OPCML: variants seen among roughly 807,000 people sequenced by gnomAD.
OPCML encodes opioid-binding protein/cell adhesion molecule.
OPCML carries 13 observed loss-of-function variants against 37.8 expected under a neutral mutation model. The observed-to-expected ratio is 0.34, with a 90% confidence interval of 0.22 to 0.55. The LOEUF (loss-of-function observed/expected upper bound fraction) is 0.55. Among genes scored for constraint, OPCML ranks in the 20% least tolerant of loss-of-function variants. OPCML has a pLI of 0.91. For synonymous variants in OPCML, 176 were observed against 168.8 expected (o/e 1.04, Z -0.33); for missense variants, 341 against 435.6 (o/e 0.78, Z 1.93).
chr11:133,101,017 T>G (rs1949077784), intron 1 of OPCML, among the ~76,000 whole-genome samples: 1 of 152,088 alleles, frequency 6.6e-6, no homozygotes, highest in African/African-American at 2.4e-5. Context: ...CTCCGCCTCC[T>G]GGGTTCAAGC....
intron 2 of OPCML, among the ~76,000 whole-genome samples, chr11:132,893,458 A>T (rs1016676663): frequency 6.6e-6 from 1 of 152,126 alleles, no homozygotes; most frequent in African/African-American, 2.4e-5. Context: ...GTTCCCTGGG[A>T]TCATCAAGCT....
chr11:133,475,156 G>C (rs1427931143), intron 1 of OPCML, among the ~76,000 whole-genome samples: 1 of 152,054 alleles, frequency 6.6e-6, no homozygotes, highest in Non-Finnish European at 1.5e-5. Context: ...GAATGTTTCA[G>C]AAATGTTTGT....
rs150208503 is a variant in OPCML, at chr11:132,500,185, G to A, written c.505+28876C>T. On this transcript the variant is annotated intron_variant, in intron 4 of 7. Coordinates refer to ENST00000524381, the MANE Select transcript of OPCML (RefSeq NM_001012393.5). ...TGCCTTAATGGCAGTGTCTTGTCTC[G>A]GTCTTATCAAGGCCCCCCTGCAAGT... Among the ~76,000 whole-genome samples the A allele has an allele frequency of 3.0e-3, 461 of 152,206 alleles. 1 individual carries two copies. The highest frequency in any genetic ancestry group is 0.011 in the African/African-American group (448 of 41,530).
At chr11:133,279,400 T>C (rs1367115691) in intron 1 of OPCML, among the ~76,000 whole-genome samples, 1 of 152,210 alleles carries the variant, frequency 6.6e-6, no homozygotes, top group African/African-American at 2.4e-5. Flanking sequence ...CAAGCAACCA[T>C]GGGCAGCTTA....
chr11:132,552,387 A>G (rs751499455), intron 3 of OPCML, among the ~76,000 whole-genome samples: 2 of 152,174 alleles, frequency 1.3e-5, no homozygotes, highest in Non-Finnish European at 2.9e-5. Context: ...TATGGAGTTG[A>G]TCCCTCTTTC....
intron 2 of OPCML, among the ~76,000 whole-genome samples, chr11:132,733,856 T>G (rs543728098): frequency 7.9e-5 from 12 of 152,196 alleles, no homozygotes; most frequent in African/African-American, 2.4e-4. Context: ...ATCTCTAAAG[T>G]TGAAGGCAGG....
chr11:133,011,416 T>G (rs1322443211), intron 1 of OPCML, among the ~76,000 whole-genome samples: 2 of 152,324 alleles, frequency 1.3e-5, no homozygotes, highest in South Asian at 4.1e-4. Flanking sequence ...CGGGGAACCC[T>G]CTGGTGTAGA....
At chr11:132,878,977 T>G (rs2136422027) in intron 2 of OPCML, among the ~76,000 whole-genome samples, 1 of 152,328 alleles carries the variant, frequency 6.6e-6, no homozygotes, top group African/African-American at 2.4e-5. Flanking sequence ...GGGAATTGAG[T>G]AGCCCATGCA....
intron 4 of OPCML, 123 bp from the exon 5 acceptor site, chr11:132,437,482 C>G: frequency 2.0e-6 from 3 of 1,498,028 alleles, no homozygotes; most frequent in Non-Finnish European, 2.7e-6. Context: ...AGTAGGACAT[C>G]AAGTCAAAGA....
At chr11:133,072,321 T>G (rs1948551544) in intron 1 of OPCML, among the ~76,000 whole-genome samples, 2 of 152,178 alleles carry the variant, frequency 1.3e-5, no homozygotes, top group African/African-American at 4.8e-5. Flanking sequence ...TCACTCAAAA[T>G]GCTATTAAAG....
intron 2 of OPCML, among the ~76,000 whole-genome samples, chr11:132,936,021 T>C (rs1945358227): frequency 6.6e-6 from 1 of 152,194 alleles, no homozygotes; most frequent in South Asian, 2.1e-4. Context: ...TGTTAGATCC[T>C]GGTGGGTGTC....
chr11:132,777,518 A>G (rs1416796103), intron 2 of OPCML, among the ~76,000 whole-genome samples: 1 of 152,192 alleles, frequency 6.6e-6, no homozygotes, highest in Non-Finnish European at 1.5e-5. Flanking sequence ...TTACTAATAT[A>G]TGAACTTTGC....
chr11:132,802,738 A>G (rs1265139063), intron 2 of OPCML, among the ~76,000 whole-genome samples: 1 of 152,164 alleles, frequency 6.6e-6, no homozygotes, highest in African/African-American at 2.4e-5. Context: ...CGTGAAGTCA[A>G]AGCCATGTCA....
At chr11:132,905,438 G>A (rs1453830528) in intron 2 of OPCML, among the ~76,000 whole-genome samples, 1 of 151,790 alleles carries the variant, frequency 6.6e-6, no homozygotes, top group African/African-American at 2.4e-5. Flanking sequence ...TCATCATGTT[G>A]GCCAGGATGG....
rs553058960 is a variant in OPCML at position 133,232,626 on chromosome 11, C to T, written c.62-289616G>A. 2.0e-5 allele frequency among the ~76,000 whole-genome samples: 3 copies of T among 152,200 alleles called. No homozygotes were observed. In the South Asian group the frequency reaches 6.2e-4, roughly 32 times the overall value. On this transcript the variant is annotated intron_variant, in intron 1 of 7. Coordinates refer to ENST00000524381, the MANE Select transcript of OPCML (RefSeq NM_001012393.5). ...CTTTATCCTGTTATGTGACACAGCA[C>T]ATGCACACACACATGCACACCCACA...
chr11:132,585,921 T>C (rs1358224993), intron 3 of OPCML, among the ~76,000 whole-genome samples: 2 of 152,110 alleles, frequency 1.3e-5, no homozygotes, highest in African/African-American at 4.8e-5. Context: ...TTCTCAAACA[T>C]CCACACATTT....
intron 2 of OPCML, among the ~76,000 whole-genome samples, chr11:132,705,133 C>G (rs1410203597): frequency 6.6e-6 from 1 of 152,068 alleles, no homozygotes; most frequent in Admixed American, 6.5e-5. Context: ...GGATATGTGT[C>G]CCCACCCAAA....
intron 1 of OPCML, among the ~76,000 whole-genome samples, chr11:133,251,560 T>G: frequency 6.7e-6 from 1 of 149,882 alleles, no homozygotes; most frequent in Non-Finnish European, 1.5e-5. Context: ...GTTTTTTGTT[T>G]GTTTGTGTTC....
At chr11:132,489,496 G>A (rs954937098) in intron 4 of OPCML, among the ~76,000 whole-genome samples, 8 of 152,112 alleles carry the variant, frequency 5.3e-5, no homozygotes, top group Admixed American at 4.6e-4. Context: ...ATACATGCTG[G>A]ACTTTCACAC....
Sources: allele counts gnomAD v4.1 joint callset (sites outside exome capture counted in the v4.1 genomes callset), GRCh38; gene constraint gnomAD v4.1.1; transcripts MANE v1.5; gene names NCBI Gene and HGNC (gene_info 2026-07-23, HGNC 2026-07-21).